CCDC178: variants seen among roughly 807,000 people sequenced by gnomAD.
CCDC178 encodes coiled-coil domain containing 178, also known as coiled-coil domain-containing protein 178.
Under a neutral mutation model 117.4 loss-of-function variants are expected in CCDC178, and 126 were observed. The observed-to-expected ratio is 1.07, with a 90% CI of 0.93 to 1.24. The LOEUF (loss-of-function observed/expected upper bound fraction) is 1.24, where lower values mean the gene tolerates loss of function less well. CCDC178 is among the 50% of genes most tolerant of loss of function. The pLI, the probability that CCDC178 is intolerant of heterozygous loss-of-function variation, is 0.00. For synonymous variants in CCDC178, 283 were observed against 313.4 expected (o/e 0.90, Z 1.02); for missense variants, 1,030 against 986.9 (o/e 1.04, Z -0.59).
intron 20 of CCDC178, among the ~76,000 whole-genome samples, chr18:33,169,395 T>C (rs535103202): frequency 6.6e-6 from 1 of 152,194 alleles, no homozygotes; most frequent in African/African-American, 2.4e-5. Context: ...TTAAAGACTG[T>C]GTAAGTACAG....
In CCDC178 at chr18:33,091,321, A is replaced by ATTTTTTT. The variant is rs1415932731; in HGVS notation, c.2388+1439_2388+1440insAAAAAAA. 3.2e-3 allele frequency among the ~76,000 whole-genome samples: 59 copies of ATTTTTTT among 18,286 alleles called. 1 individual carries two copies. Among genetic ancestry groups the ATTTTTTT allele is most frequent in the South Asian group, 0.01 (4 of 384 alleles). The allele number at this position is 18,286 out of a possible 152,430, so 12.0% of individuals were successfully genotyped here. On this transcript the variant is annotated intron_variant, in intron 21 of 22. Transcript: ENST00000383096. ...ATTCTTTCCCAAACACACTTATTTC[A>ATTTTTTT]TTCTTTTTTTTTTTTTTTTTTTTTT...
intron 20 of CCDC178, among the ~76,000 whole-genome samples, chr18:33,125,045 G>T (rs1338727945): frequency 2.6e-5 from 4 of 152,018 alleles, no homozygotes; most frequent in African/African-American, 9.7e-5. Context: ...AGCACCTGTT[G>T]CCAGGAGATT....
At position 33,407,788 on chromosome 18, in the gene CCDC178, G is replaced by A. The variant is rs191485832; in HGVS notation, c.58+4243C>T. Among the ~76,000 whole-genome samples the A allele has an allele frequency of 2.0e-5, 3 of 151,876 alleles. No homozygotes were observed. The East Asian group carries it at 5.8e-4, about 29-fold the overall frequency. On this transcript the variant is annotated intron_variant, in intron 3 of 22. Transcript: ENST00000383096. ...TAGTACTAAGGCCAATAAATATTTTGTATCAATAATTATATCCCTCCAAAT... is the reference window on the plus strand; with the variant it reads ...TAGTACTAAGGCCAATAAATATTTTATATCAATAATTATATCCCTCCAAAT...
At chr18:33,280,874 G>A (rs976424691) in intron 12 of CCDC178, among the ~76,000 whole-genome samples, 7 of 152,072 alleles carry the variant, frequency 4.6e-5, no homozygotes, top group Non-Finnish European at 1.0e-4. Context: ...AACACCGCAT[G>A]TTCTCACTCA....
At chr18:33,403,681 G>A (rs1006427586) in intron 3 of CCDC178, among the ~76,000 whole-genome samples, 1 of 152,166 alleles carries the variant, frequency 6.6e-6, no homozygotes, top group Non-Finnish European at 1.5e-5. Flanking sequence ...AGTGAATTAA[G>A]GTTACAATGT....
intron 21 of CCDC178, among the ~76,000 whole-genome samples, chr18:33,083,770 G>C (rs970174473): frequency 6.6e-6 from 1 of 152,132 alleles, no homozygotes; most frequent in Non-Finnish European, 1.5e-5. Flanking sequence ...TTTTCCCATA[G>C]TTTTAAACCC....
chr18:33,316,606 A>C (rs971306270), intron 11 of CCDC178, among the ~76,000 whole-genome samples: 1 of 152,158 alleles, frequency 6.6e-6, no homozygotes, highest in Non-Finnish European at 1.5e-5. Flanking sequence ...CACTGGGTGA[A>C]GCCAGCTGGG....
chr18:33,284,274 G>A (rs2060069445), intron 12 of CCDC178, among the ~76,000 whole-genome samples: 1 of 149,696 alleles, frequency 6.7e-6, no homozygotes, highest in Non-Finnish European at 1.5e-5. Flanking sequence ...AGTGGGAGGA[G>A]GGAGAGGATC....
intron 14 of CCDC178, among the ~76,000 whole-genome samples, chr18:33,250,036 A>G (rs1015971341): frequency 6.6e-6 from 1 of 151,954 alleles, no homozygotes; most frequent in Non-Finnish European, 1.5e-5. Flanking sequence ...AGCAATTGTG[A>G]AGGGAGTTCC....
intron 21 of CCDC178, among the ~76,000 whole-genome samples, chr18:33,053,060 T>C (rs952628440): frequency 1.3e-5 from 2 of 152,154 alleles, no homozygotes; most frequent in Admixed American, 1.3e-4. Flanking sequence ...CCTAATAGAA[T>C]AATAAGTGCA....
chr18:33,084,287 T>C (rs1369105549), intron 21 of CCDC178, among the ~76,000 whole-genome samples: 8 of 152,226 alleles, frequency 5.3e-5, no homozygotes, highest in African/African-American at 1.7e-4. Context: ...GGAAGTGCTT[T>C]AAAATTATAA....
At chr18:33,366,543 T>C (rs2063209643) in intron 6 of CCDC178, among the ~76,000 whole-genome samples, 1 of 152,024 alleles carries the variant, frequency 6.6e-6, no homozygotes, top group African/African-American at 2.4e-5. Flanking sequence ...TTTTGTGCAA[T>C]TCATGATGGA....
chr18:32,978,595 C>T (rs1053249049), intron 21 of CCDC178, among the ~76,000 whole-genome samples: 2 of 152,260 alleles, frequency 1.3e-5, no homozygotes, highest in Non-Finnish European at 2.9e-5. Context: ...TTCCATCAAA[C>T]ATTTTACTAA....
intron 5 of CCDC178, among the ~76,000 whole-genome samples, chr18:33,383,017 G>A (rs570107906): frequency 1.3e-5 from 2 of 152,148 alleles, no homozygotes; most frequent in Non-Finnish European, 2.9e-5. Flanking sequence ...AGCGGGGAGG[G>A]ATGACTGCCA....
intron 21 of CCDC178, among the ~76,000 whole-genome samples, chr18:33,037,759 C>T (rs764989024): frequency 8.6e-5 from 13 of 151,786 alleles, no homozygotes; most frequent in African/African-American, 9.7e-5. Context: ...TATAAATTTT[C>T]GACAGGAAAA....
At chr18:33,432,311 C>G (rs1243651800) in intron 2 of CCDC178, among the ~76,000 whole-genome samples, 1 of 55,730 alleles carries the variant, frequency 1.8e-5, no homozygotes. Context: ...TCTTTACATA[C>G]TCCGTTTCTG....
chr18:33,201,805 AG>A (rs1568052298), intron 20 of CCDC178, among the ~76,000 whole-genome samples: 1 of 152,180 alleles, frequency 6.6e-6, no homozygotes, highest in Non-Finnish European at 1.5e-5. Flanking sequence ...GTCTCCCTCT[AG>A]TGCCCCCTAT....
intron 12 of CCDC178, among the ~76,000 whole-genome samples, chr18:33,280,276 TC>T (rs1331885679): frequency 2.0e-5 from 3 of 151,962 alleles, no homozygotes; most frequent in African/African-American, 7.3e-5. Flanking sequence ...AAGAACCCCA[TC>T]AAAAAGTGGG....
chr18:33,300,685 T>TA (rs2062165570), intron 11 of CCDC178, among the ~76,000 whole-genome samples: 1 of 152,170 alleles, frequency 6.6e-6, no homozygotes, highest in Non-Finnish European at 1.5e-5. Context: ...TCTGTGGAAG[T>TA]TTGAACTTAA....
Sources: gnomAD v4.1 joint callset for allele counts (sites outside exome capture counted in the v4.1 genomes callset) on GRCh38, gnomAD v4.1.1 for gene constraint, MANE v1.5 for transcripts, NCBI Gene and HGNC (gene_info 2026-07-23, HGNC 2026-07-21) for gene names.